Variants in GALNTL6 observed in about 807,000 individuals in gnomAD.
GALNTL6 encodes the protein polypeptide N-acetylgalactosaminyltransferase like 6, also known as polypeptide N-acetylgalactosaminyltransferase-like 6.
In GALNTL6, 46 loss-of-function variants were observed where a neutral mutation model predicts 73.7. That is an observed-to-expected ratio of 0.62 (90% CI 0.49 to 0.80). GALNTL6 has a LOEUF of 0.80. Among genes scored for constraint, GALNTL6 ranks in the 30% least tolerant of loss-of-function variants. The pLI is 0.00. For synonymous variants in GALNTL6, 259 were observed against 263.7 expected (o/e 0.98, Z 0.17); for missense variants, 604 against 755.0 (o/e 0.80, Z 2.34).
chr4:172,113,437 T>C (rs1157056085), intron 2 of GALNTL6, among the ~76,000 whole-genome samples: 2 of 152,082 alleles, frequency 1.3e-5, no homozygotes, highest in South Asian at 2.1e-4. Flanking sequence ...AAATAGTTCT[T>C]AAAATCAGAC....
chr4:172,059,398 C>T lies in GALNTL6; in HGVS notation c.139-170258C>T, dbSNP rs73867604. On this transcript the variant is annotated intron_variant, in intron 2 of 12. Transcript: ENST00000506823. ...ATCTGCCGAGGGCTATGTGCTCATA[C>T]TCGACATTACAATATAATTCAAATG... Among the ~76,000 whole-genome samples, 756 of 152,200 alleles carry T rather than the reference C, an allele frequency of 5.0e-3. 10 individuals are homozygous for T. The highest frequency in any genetic ancestry group is 0.018 in the African/African-American group (727 of 41,542).
At chr4:173,024,122 A>C (rs1441606501) in intron 12 of GALNTL6, among the ~76,000 whole-genome samples, 1 of 152,168 alleles carries the variant, frequency 6.6e-6, no homozygotes, top group African/African-American at 2.4e-5. Context: ...AAGAACAACT[A>C]ATACACAGAG....
At chr4:172,635,572 A>G (rs1292234099) in intron 5 of GALNTL6, among the ~76,000 whole-genome samples, 1 of 152,086 alleles carries the variant, frequency 6.6e-6, no homozygotes, top group Non-Finnish European at 1.5e-5. Flanking sequence ...CCTCACAAAT[A>G]TACTTATTCA....
chr4:171,987,910 C>A (rs922050290), intron 2 of GALNTL6, among the ~76,000 whole-genome samples: 2 of 151,960 alleles, frequency 1.3e-5, no homozygotes, highest in African/African-American at 4.8e-5. Flanking sequence ...ATGTGGAAGT[C>A]GGGATTAAAG....
chr4:172,421,348 A>G lies in GALNTL6; in HGVS notation c.553+72659A>G, dbSNP rs112059811. On this transcript the variant is annotated intron_variant, in intron 5 of 12. Coordinates refer to ENST00000506823, the MANE Select transcript of GALNTL6 (RefSeq NM_001034845.3). Reference sequence around the variant, plus strand: ...AATATAAAGTAGGATAGTTCCAGTCATATTGGTGCTCAGTAATTGATAGCT... The same window carrying G: ...AATATAAAGTAGGATAGTTCCAGTCGTATTGGTGCTCAGTAATTGATAGCT... Among the ~76,000 whole-genome samples the G allele has an allele frequency of 1.2e-3, 180 of 152,214 alleles. 2 individuals carry two copies. The highest frequency in any genetic ancestry group is 4.1e-3 in the African/African-American group (171 of 41,544).
chr4:172,100,109 T>G (rs1400508238), intron 2 of GALNTL6, among the ~76,000 whole-genome samples: 3 of 152,162 alleles, frequency 2.0e-5, no homozygotes, highest in African/African-American at 4.8e-5. Context: ...TTAATGGTGG[T>G]TTACACTAGA....
chr4:172,513,465 G>A (rs762355487), intron 5 of GALNTL6, among the ~76,000 whole-genome samples: 45 of 152,088 alleles, frequency 3.0e-4, no homozygotes, highest in Non-Finnish European at 4.4e-4. Flanking sequence ...GGTGAGCTAG[G>A]GTGATCTTTT....
At chr4:172,676,583 AT>A (rs1435560524) in intron 5 of GALNTL6, among the ~76,000 whole-genome samples, 14 of 152,190 alleles carry the variant, frequency 9.2e-5, no homozygotes, top group Admixed American at 2.6e-4. Flanking sequence ...CCGCTTTCTT[AT>A]ACAAAACACA....
At chr4:172,328,929 C>A (rs2111177324) in intron 4 of GALNTL6, among the ~76,000 whole-genome samples, 1 of 152,284 alleles carries the variant, frequency 6.6e-6, no homozygotes, top group Admixed American at 6.5e-5. Context: ...GAACATAAAA[C>A]ACTCTGGCCA....
chr4:172,292,495 T>C (rs953790650), intron 3 of GALNTL6, among the ~76,000 whole-genome samples: 5 of 152,126 alleles, frequency 3.3e-5, no homozygotes, highest in African/African-American at 4.8e-5. Context: ...GTTGTAGTTA[T>C]AGAAAGATTC....
At chr4:172,919,365 C>T (rs932603299) in intron 8 of GALNTL6, among the ~76,000 whole-genome samples, 2 of 152,160 alleles carry the variant, frequency 1.3e-5, no homozygotes, top group African/African-American at 4.8e-5. Context: ...GACTCCCCTC[C>T]TGCCCCTCAG....
At chr4:172,144,469 G>GA (rs1337597187) in intron 2 of GALNTL6, among the ~76,000 whole-genome samples, 1 of 151,970 alleles carries the variant, frequency 6.6e-6, no homozygotes, top group East Asian at 1.9e-4. Flanking sequence ...AAAAAATCAG[G>GA]AAAAAATGGA....
chr4:171,884,433 C>G (rs1179379522), intron 2 of GALNTL6, among the ~76,000 whole-genome samples: 3 of 151,968 alleles, frequency 2.0e-5, no homozygotes, highest in Admixed American at 2.0e-4. Flanking sequence ...TTATTATCAT[C>G]TTAGAGAAAA....
At chr4:172,494,617 A>G (rs1226993796) in intron 5 of GALNTL6, among the ~76,000 whole-genome samples, 6 of 152,234 alleles carry the variant, frequency 3.9e-5, no homozygotes, top group Non-Finnish European at 8.8e-5. Context: ...ACAAAAGTTG[A>G]GAAGTCAACA....
intron 5 of GALNTL6, among the ~76,000 whole-genome samples, chr4:172,388,794 C>T (rs1743561561): frequency 6.6e-6 from 1 of 151,978 alleles, no homozygotes; most frequent in Admixed American, 6.6e-5. Flanking sequence ...TAATTTTATG[C>T]ACACTGTATT....
intron 5 of GALNTL6, among the ~76,000 whole-genome samples, chr4:172,472,517 C>A (rs1404218478): frequency 1.3e-5 from 2 of 152,050 alleles, no homozygotes; most frequent in Non-Finnish European, 2.9e-5. Flanking sequence ...TAACCACCCC[C>A]AACCCATACC....
chr4:172,327,839 T>C (rs35336978), intron 4 of GALNTL6, among the ~76,000 whole-genome samples: 23,450 of 152,086 alleles, frequency 0.15, 1,929 homozygotes, highest in East Asian at 0.19. Flanking sequence ...CTTGCTTTTT[T>C]TATACAGCTT....
intron 2 of GALNTL6, among the ~76,000 whole-genome samples, chr4:172,065,115 C>A (rs999642646): frequency 7.2e-5 from 11 of 151,858 alleles, no homozygotes; most frequent in African/African-American, 2.4e-4. Flanking sequence ...AGTCCCCAAC[C>A]TTTTTGGCAC....
intron 2 of GALNTL6, among the ~76,000 whole-genome samples, chr4:172,101,317 T>C (rs1400282637): frequency 6.6e-6 from 1 of 152,198 alleles, no homozygotes. Context: ...AGACTATAAA[T>C]TCAGCTTTTC....
Sources: allele counts gnomAD v4.1 joint callset (sites outside exome capture counted in the v4.1 genomes callset), GRCh38; gene constraint gnomAD v4.1.1; transcripts MANE v1.5; gene names NCBI Gene and HGNC (gene_info 2026-07-23, HGNC 2026-07-21).